TENM2: variants seen among roughly 807,000 people sequenced by gnomAD.
The protein encoded by TENM2 is teneurin-2.
Under a neutral mutation model 245.2 loss-of-function variants are expected in TENM2, and 52 were observed. That is an observed-to-expected ratio of 0.21 (90% CI 0.17 to 0.27). The LOEUF is 0.27. Among genes scored for constraint, TENM2 ranks in the 10% least tolerant of loss-of-function variants. The pLI, the probability that TENM2 is intolerant of heterozygous loss-of-function variation, is 1.00. For synonymous variants in TENM2, 1,363 were observed against 1,438.9 expected (o/e 0.95, Z 1.19); for missense variants, 3,046 against 3,666.8 (o/e 0.83, Z 4.37).
intron 2 of TENM2, among the ~76,000 whole-genome samples, chr5:167,433,990 T>C (rs1193936230): frequency 6.6e-6 from 1 of 152,164 alleles, no homozygotes; most frequent in African/African-American, 2.4e-5. Context: ...TGTGTTGAGA[T>C]CCTTTAGCTT....
intron 4 of TENM2, among the ~76,000 whole-genome samples, chr5:167,959,893 C>T (rs138873097): frequency 0.019 from 2,841 of 152,224 alleles, 34 homozygotes; most frequent in Middle Eastern, 0.031. Flanking sequence ...TCTGAGTGGA[C>T]GTCCTTTTTG....
intron 2 of TENM2, among the ~76,000 whole-genome samples, chr5:167,816,734 G>C (rs902124334): frequency 2.0e-5 from 3 of 152,156 alleles, no homozygotes; most frequent in Admixed American, 6.5e-5. Context: ...GTATTATTTA[G>C]AGACAAAGAA....
At chr5:167,550,705 TGTG>T (rs1772879709) in intron 2 of TENM2, among the ~76,000 whole-genome samples, 1 of 36,576 alleles carries the variant, frequency 2.7e-5, no homozygotes, top group Non-Finnish European at 5.2e-5. Flanking sequence ...TGTTAGTGTG[TGTG>T]TGTGTGTGTG....
At chr5:167,820,807 C>T (rs952997441) in intron 2 of TENM2, among the ~76,000 whole-genome samples, 1 of 152,150 alleles carries the variant, frequency 6.6e-6, no homozygotes, top group Admixed American at 6.5e-5. Context: ...CAACTAACCC[C>T]AAATGAAGTC....
At chr5:167,918,475 C>T (rs1777113813) in intron 3 of TENM2, among the ~76,000 whole-genome samples, 2 of 152,198 alleles carry the variant, frequency 1.3e-5, no homozygotes, top group Non-Finnish European at 2.9e-5. Context: ...TAGCAAGCTG[C>T]AGCTATTATG....
chr5:168,132,767 T>C (rs901448837), intron 12 of TENM2, among the ~76,000 whole-genome samples: 3 of 152,248 alleles, frequency 2.0e-5, no homozygotes, highest in Non-Finnish European at 4.4e-5. Context: ...ATTGTCCTAA[T>C]GTATAGTGAG....
At chr5:168,193,459 G>T (rs1761127443) in intron 14 of TENM2, among the ~76,000 whole-genome samples, 2 of 152,294 alleles carry the variant, frequency 1.3e-5, no homozygotes, top group East Asian at 1.9e-4. Flanking sequence ...ATCATAAATA[G>T]AAATGAACTG....
chr5:167,970,215 T>G (rs2151918438), intron 4 of TENM2, among the ~76,000 whole-genome samples: 1 of 152,326 alleles, frequency 6.6e-6, no homozygotes, highest in South Asian at 2.1e-4. Context: ...CTGACTAACT[T>G]CTGCCCCCTT....
intron 2 of TENM2, among the ~76,000 whole-genome samples, chr5:167,859,190 T>C (rs1199454662): frequency 2.8e-5 from 2 of 71,996 alleles, no homozygotes; most frequent in Non-Finnish European, 5.7e-5. Flanking sequence ...GGAGCGTCTC[T>C]GCCCGGCCGC....
chr5:167,716,506 C>T (rs1010866405), intron 2 of TENM2, among the ~76,000 whole-genome samples: 4 of 152,136 alleles, frequency 2.6e-5, no homozygotes, highest in Non-Finnish European at 5.9e-5. Flanking sequence ...ACATACCTTC[C>T]AGATTGTGGC....
At chr5:167,889,080 AAAAAC>A (rs776247840) in intron 3 of TENM2, among the ~76,000 whole-genome samples, 6 of 152,252 alleles carry the variant, frequency 3.9e-5, no homozygotes, top group East Asian at 1.9e-4. Flanking sequence ...CTTTGCTTTA[AAAAAC>A]AAAACAAAAC....
At chr5:167,352,627 A>G (rs1220694931) in intron 1 of TENM2, among the ~76,000 whole-genome samples, 2 of 152,092 alleles carry the variant, frequency 1.3e-5, no homozygotes, top group East Asian at 1.9e-4. Flanking sequence ...TTACGTAGTG[A>G]TTTTCTGTTA....
intron 3 of TENM2, among the ~76,000 whole-genome samples, chr5:167,940,282 C>T (rs551042513): frequency 9.2e-5 from 14 of 152,238 alleles, no homozygotes; most frequent in Admixed American, 6.5e-4. Context: ...TTAACTAATT[C>T]GGTCATTTGT....
intron 2 of TENM2, among the ~76,000 whole-genome samples, chr5:167,596,757 C>T (rs971623559): frequency 4.0e-5 from 6 of 149,280 alleles, no homozygotes; most frequent in African/African-American, 1.5e-4. Flanking sequence ...GATCTTGCCA[C>T]TGCACTCCAA....
At chr5:167,855,151 C>G (rs1770947643) in intron 2 of TENM2, among the ~76,000 whole-genome samples, 1 of 152,130 alleles carries the variant, frequency 6.6e-6, no homozygotes. Flanking sequence ...CACCTGCTTG[C>G]TGTTCCTAGA....
In TENM2 at chr5:167,734,759, C is replaced by T. The variant is rs141449361; in HGVS notation, c.503-141227C>T. Reference sequence around the variant, plus strand: ...CAATTAAACACTGAGCTTGACCTACCGCCCTCTTTTGCAGGGCAGAGATGA... The same window carrying T: ...CAATTAAACACTGAGCTTGACCTACTGCCCTCTTTTGCAGGGCAGAGATGA... On this transcript the variant is annotated intron_variant, in intron 2 of 28. Coordinates refer to ENST00000518659, the Ensembl canonical transcript of TENM2. 3.8e-3 allele frequency among the ~76,000 whole-genome samples: 583 copies of T among 152,236 alleles called. 2 individuals are homozygous for T. The highest frequency in any genetic ancestry group is 0.017 in the Middle Eastern group (5 of 294).
At chr5:167,217,610 G>T in the TENM2 span, among the ~76,000 whole-genome samples, 1 of 151,578 alleles carries the variant, frequency 6.6e-6, no homozygotes, top group Admixed American at 6.6e-5. Flanking sequence ...GATTCCTAGC[G>T]CTGCAGTGTT....
chr5:167,394,757 A>G (rs1206413544), intron 2 of TENM2, among the ~76,000 whole-genome samples: 2 of 151,826 alleles, frequency 1.3e-5, no homozygotes, highest in East Asian at 1.9e-4. Context: ...CATCATGCCC[A>G]GCTAATTTTT....
At chr5:167,977,379 G>A (rs945689173) in intron 4 of TENM2, among the ~76,000 whole-genome samples, 1 of 152,078 alleles carries the variant, frequency 6.6e-6, no homozygotes, top group African/African-American at 2.4e-5. Flanking sequence ...AAAATAAGAC[G>A]AGTGATTATA....
Sources: gnomAD v4.1 joint callset for allele counts (sites outside exome capture counted in the v4.1 genomes callset) on GRCh38, gnomAD v4.1.1 for gene constraint, MANE v1.5 for transcripts, NCBI Gene and HGNC (gene_info 2026-07-23, HGNC 2026-07-21) for gene names.